NTNG1: variants seen among roughly 807,000 people sequenced by gnomAD.
NTNG1 encodes the protein netrin G1.
A neutral mutation model predicts 54.0 loss-of-function variants in NTNG1; 16 were observed. The observed-to-expected ratio is 0.30, with a 90% CI of 0.20 to 0.45. The LOEUF is 0.45. Among genes scored for constraint, NTNG1 ranks in the 20% least tolerant of loss-of-function variants. The probability of loss-of-function intolerance (pLI) is 1.00; values close to 1 mark genes in which losing one functional copy is unlikely to be tolerated. For synonymous variants in NTNG1, 255 were observed against 263.1 expected, an observed-to-expected ratio of 0.97 and a Z score of 0.30; for missense variants, 530 against 678.7, an observed-to-expected ratio of 0.78 and a Z score of 2.43.
intron 3 of NTNG1, among the ~76,000 whole-genome samples, chr1:107,334,781 G>A (rs1668484340): frequency 6.6e-6 from 1 of 151,940 alleles, no homozygotes; most frequent in African/African-American, 2.4e-5. Context: ...ACTAGGCCTG[G>A]CGCATATTAA....
chr1:107,395,573 G>A, intron 4 of NTNG1: 5 of 666,924 alleles, frequency 7.5e-6, no homozygotes, highest in Non-Finnish European at 1.4e-5. Context: ...ATCACAGAAG[G>A]AATTTTTTAT....
At chr1:107,394,952 A>G (rs886982106) in intron 3 of NTNG1, among the ~76,000 whole-genome samples, 1 of 152,126 alleles carries the variant, frequency 6.6e-6, no homozygotes, top group African/African-American at 2.4e-5. Context: ...GTAAGGACAG[A>G]CTACATTGTA....
rs1042966419 is a variant in NTNG1, at chr1:107,484,002, A to G, written c.*3162A>G. Among the ~76,000 whole-genome samples, 1 of 152,182 alleles carries G rather than the reference A, an allele frequency of 6.6e-6. No homozygotes were observed. The highest frequency in any genetic ancestry group is 1.5e-5 in the Non-Finnish European group (1 of 68,038). On this transcript the variant is annotated 3_prime_UTR_variant, in exon 8 of 8. Transcript: ENST00000370068. ...TGACTCTCCTCCAGCTTTCTCCCAG[A>G]TATCAGGAACCTAGAGTTTCCTACT...
At chr1:107,269,309 C>T (rs755034809) in intron 2 of NTNG1, among the ~76,000 whole-genome samples, 2 of 152,166 alleles carry the variant, frequency 1.3e-5, no homozygotes, top group Admixed American at 6.5e-5. Context: ...CTCCCATTCT[C>T]TCATTTTCCT....
chr1:107,321,697 T>C (rs747923853), intron 2 of NTNG1, among the ~76,000 whole-genome samples: 15 of 152,120 alleles, frequency 9.9e-5, no homozygotes, highest in Non-Finnish European at 1.6e-4. Context: ...AATTTCAAGG[T>C]ATATCAGATT....
intron 6 of NTNG1, among the ~76,000 whole-genome samples, chr1:107,431,340 A>G (rs1444111506): frequency 6.6e-6 from 1 of 152,150 alleles, no homozygotes; most frequent in Non-Finnish European, 1.5e-5. Context: ...ATTCTTGCAT[A>G]TAATTGGTGA....
At chr1:107,271,221 T>C (rs1664124966) in intron 2 of NTNG1, among the ~76,000 whole-genome samples, 5 of 152,202 alleles carry the variant, frequency 3.3e-5, no homozygotes, top group Admixed American at 3.3e-4. Flanking sequence ...TATTATACTC[T>C]AAGTTTTAGG....
intron 3 of NTNG1, among the ~76,000 whole-genome samples, chr1:107,358,540 T>A (rs967204826): frequency 1.3e-5 from 2 of 151,976 alleles, no homozygotes; most frequent in African/African-American, 4.8e-5. Flanking sequence ...GAAAATCTGG[T>A]CATCTTTTTC....
intron 2 of NTNG1, among the ~76,000 whole-genome samples, chr1:107,157,624 T>A (rs1393672482): frequency 6.6e-6 from 1 of 152,200 alleles, no homozygotes; most frequent in African/African-American, 2.4e-5. Context: ...GAGATTGATA[T>A]AGGGACATAT....
chr1:107,224,878 A>AC (rs759852874), intron 2 of NTNG1, among the ~76,000 whole-genome samples: 1 of 151,952 alleles, frequency 6.6e-6, no homozygotes, highest in Non-Finnish European at 1.5e-5. Context: ...CTGGTCTGAG[A>AC]CCCCCCTCTG....
At chr1:107,168,685 CTG>C (rs1655994732) in intron 2 of NTNG1, among the ~76,000 whole-genome samples, 1 of 152,100 alleles carries the variant, frequency 6.6e-6, no homozygotes, top group Admixed American at 6.6e-5. Flanking sequence ...ATAGCAATAT[CTG>C]TGATTTCACT....
chr1:107,228,405 G>T lies in NTNG1; in HGVS notation c.246+79566G>T, dbSNP rs184635644. On this transcript the variant is annotated intron_variant, in intron 2 of 7. Coordinates refer to ENST00000370068, the MANE Select transcript of NTNG1 (RefSeq NM_001113226.3). Reference sequence around the variant, plus strand: ...GTTTTTCATTCAACACATCAGCAAAGATTCCAATTTAGGTTTTAGTAAACT... The same window carrying T: ...GTTTTTCATTCAACACATCAGCAAATATTCCAATTTAGGTTTTAGTAAACT... Among the ~76,000 whole-genome samples, 336 of 152,270 alleles carry T rather than the reference G, an allele frequency of 2.2e-3. 1 individual carries two copies. Among genetic ancestry groups the T allele is most frequent in the Non-Finnish European group, 3.9e-3 (268 of 68,022 alleles).
At chr1:107,416,857 G>T (rs556983353) in intron 5 of NTNG1, among the ~76,000 whole-genome samples, 234 of 152,138 alleles carry the variant, frequency 1.5e-3, no homozygotes, top group African/African-American at 5.2e-3. Context: ...CACAGAAAAA[G>T]ATGGAGAAAG....
chr1:107,416,917 A>G (rs1674250368), intron 5 of NTNG1, among the ~76,000 whole-genome samples: 1 of 152,122 alleles, frequency 6.6e-6, no homozygotes, highest in African/African-American at 2.4e-5. Flanking sequence ...TAATACAAAT[A>G]CATTTTTATG....
chr1:107,451,908 G>C (rs1676648744), intron 7 of NTNG1, among the ~76,000 whole-genome samples: 1 of 152,130 alleles, frequency 6.6e-6, no homozygotes, highest in Admixed American at 6.6e-5. Flanking sequence ...AGAGTACTTA[G>C]AGAACTCCTA....
chr1:107,424,722 G>T (rs1158339544), intron 5 of NTNG1, among the ~76,000 whole-genome samples: 1 of 152,156 alleles, frequency 6.6e-6, no homozygotes, highest in Non-Finnish European at 1.5e-5. Flanking sequence ...TTTTGAACAA[G>T]TTAAAGTTGA....
At chr1:107,384,336 A>C (rs1226807263) in intron 3 of NTNG1, among the ~76,000 whole-genome samples, 3 of 152,186 alleles carry the variant, frequency 2.0e-5, no homozygotes, top group East Asian at 3.9e-4. Context: ...AATTTTAGAT[A>C]ATTTTTTTAA....
intron 3 of NTNG1, among the ~76,000 whole-genome samples, chr1:107,390,268 C>T (rs532957001): frequency 2.0e-5 from 3 of 152,338 alleles, no homozygotes; most frequent in South Asian, 2.1e-4. Flanking sequence ...TTTTAGCCAA[C>T]GTTCAAGCAA....
At chr1:107,371,847 T>C (rs1489294206) in intron 3 of NTNG1, among the ~76,000 whole-genome samples, 1 of 151,858 alleles carries the variant, frequency 6.6e-6, no homozygotes, top group Non-Finnish European at 1.5e-5. Context: ...ACCAGAAGAG[T>C]TTCAGATTTT....
Sources: gnomAD v4.1 joint callset for allele counts (sites outside exome capture counted in the v4.1 genomes callset) on GRCh38, gnomAD v4.1.1 for gene constraint, MANE v1.5 for transcripts, NCBI Gene and HGNC (gene_info 2026-07-23, HGNC 2026-07-21) for gene names.